The following SESN2 variants were observed in gnomAD, a reference collection of about 807,000 sequenced individuals.
SESN2 encodes sestrin 2.
A neutral mutation model predicts 56.0 loss-of-function variants in SESN2; 42 were observed. That is an observed-to-expected ratio of 0.75 (90% CI 0.59 to 0.97). The LOEUF (loss-of-function observed/expected upper bound fraction) is 0.97, where lower values mean the gene tolerates loss of function less well. SESN2 is among the 50% of genes least tolerant of loss of function. The pLI is 0.00. For missense variants in SESN2, 507 were observed against 649.4 expected, an observed-to-expected ratio of 0.78 and a Z score of 2.38; for synonymous variants, 264 against 267.1, an observed-to-expected ratio of 0.99 and a Z score of 0.11.
intron 1 of SESN2, among the ~76,000 whole-genome samples, chr1:28,268,854 T>C (rs1647649527): frequency 6.6e-6 from 1 of 152,152 alleles, no homozygotes; most frequent in African/African-American, 2.4e-5. Flanking sequence ...TTGTATAAGT[T>C]CTCTGGGACC....
intron 8 of SESN2, among the ~76,000 whole-genome samples, chr1:28,276,878 CT>C (rs56403975): frequency 0.14 from 16,259 of 117,926 alleles, 1,626 homozygotes; most frequent in African/African-American, 0.31. Context: ...TGCGCCCAGC[CT>C]TTTTTTTTTT....
chr1:28,264,284 ACT>A (rs1482792781), intron 1 of SESN2, among the ~76,000 whole-genome samples: 1 of 151,974 alleles, frequency 6.6e-6, no homozygotes, highest in Non-Finnish European at 1.5e-5. Context: ...ACGCAACTGC[ACT>A]CCAGCCTGGG....
intron 6 of SESN2, 92 bp downstream of exon 6, chr1:28,273,600 C>A: frequency 7.9e-7 from 1 of 1,260,910 alleles, no homozygotes; most frequent in Non-Finnish European, 1.1e-6. Flanking sequence ...CCAGAGGCAG[C>A]CACTTCTCAA....
In SESN2 at chr1:28,269,208, G is replaced by A. The variant is rs1647670054; in HGVS notation, c.116G>A (p.Arg39Gln). Residue 39 changes from arginine to glutamine, a missense_variant, in exon 2 of 10, where the codon CGA becomes CAA. Transcript: ENST00000253063. ...GEEQRESRAR[R>Q]GPRGPSAFIP... ...GAGCAGAGGGAGAGCCGGGCTCGGC[G>A]AGGCCCTCGAGGGCCCAGCGCCTTC... is the stretch of plus-strand genomic sequence containing the variant. 2.5e-6 allele frequency: 4 copies of A among 1,612,982 alleles called. No individual in the cohort carries two copies. Among genetic ancestry groups the A allele is most frequent in the Non-Finnish European group, 3.4e-6 (4 of 1,179,512 alleles).
At chr1:28,275,365 A>G (rs1647997860) in intron 8 of SESN2, among the ~76,000 whole-genome samples, 1 of 152,154 alleles carries the variant, frequency 6.6e-6, no homozygotes. Context: ...CATTCTGAGT[A>G]GTAATTCTCC....
chr1:28,265,169 C>T (rs1351469981), intron 1 of SESN2, among the ~76,000 whole-genome samples: 1 of 152,116 alleles, frequency 6.6e-6, no homozygotes, highest in East Asian at 1.9e-4. Flanking sequence ...TTGTTATGCA[C>T]CATTGTTATT....
chr1:28,274,964 C>T lies in SESN2; in HGVS notation c.1160C>T (p.Ser387Phe). 1 of 1,614,188 alleles carries T rather than the reference C, an allele frequency of 6.2e-7. No individual in the cohort carries two copies. Among genetic ancestry groups the T allele is most frequent in the Non-Finnish European group, 8.5e-7 (1 of 1,179,986 alleles). The change falls in exon 8 of 10, where the codon TCC (serine) becomes TTC (phenylalanine). Residue 387 changes from serine (S) to phenylalanine (F), a missense_variant. Ser to Phe is a radical substitution (Grantham distance 155). Coordinates refer to ENST00000253063, the MANE Select transcript of SESN2 (RefSeq NM_031459.5). Reference sequence around the variant, plus strand: ...GCCATGCACAGTGGTGTGGACACCTCCGTGCTCCGCAGGGCCATCTGGAAC... The same window carrying T: ...GCCATGCACAGTGGTGTGGACACCTTCGTGCTCCGCAGGGCCATCTGGAAC... ...TIAMHSGVDT[S>F]VLRRAIWNYI... is the part of the protein sequence containing the mutation.
chr1:28,275,229 T>C (rs921425613), intron 8 of SESN2, among the ~76,000 whole-genome samples: 11 of 152,124 alleles, frequency 7.2e-5, no homozygotes, highest in Admixed American at 2.0e-4. Flanking sequence ...ATAATTATTG[T>C]TTGATATTTA....
Position 28,277,421 on chromosome 1 carries a change from GGA to G in SESN2, c.1212-1675_1212-1674del, listed in dbSNP as rs532008237. On this transcript the variant is annotated intron_variant, in intron 8 of 9. Transcript: ENST00000253063. ...AGTAGAGATGGTGTTTCACCATGTTGGACAGGCTGGTCTGGAACTCCTCACCT... is the reference window on the plus strand; with the variant it reads ...AGTAGAGATGGTGTTTCACCATGTTGCAGGCTGGTCTGGAACTCCTCACCT... 2.9e-3 allele frequency among the ~76,000 whole-genome samples: 434 copies of G among 152,208 alleles called. 2 individuals are homozygous for G. The highest frequency in any genetic ancestry group is 0.027 in the Middle Eastern group (8 of 294).
At chr1:28,280,541 T>C (rs1342347975) in intron 9 of SESN2, among the ~76,000 whole-genome samples, 175 bp from the exon 10 acceptor site, 1 of 152,226 alleles carries the variant, frequency 6.6e-6, no homozygotes, top group Non-Finnish European at 1.5e-5. Context: ...TTAGTCATGA[T>C]AGGAATGAAT....
intron 5 of SESN2, 136 bp downstream of exon 5, chr1:28,272,929 T>C (rs1223040596): frequency 2.0e-5 from 12 of 610,918 alleles, no homozygotes; most frequent in Non-Finnish European, 3.2e-5. Flanking sequence ...TATTTGACTT[T>C]GAAGCTTAGT....
Position 28,272,767 on chromosome 1 carries a change from A to G in SESN2, c.724A>G (p.Ser242Gly). The G allele has an allele frequency of 6.2e-7, 1 of 1,603,738 alleles. No individual in the cohort carries two copies. Among genetic ancestry groups the G allele is most frequent in the Non-Finnish European group, 8.5e-7 (1 of 1,172,668 alleles). ...TPPSEQSSPP[S>G]RDPLNNSGGF... The stretch of plus-strand genomic sequence containing the variant: ...CCCTAGTGAACAGAGCAGCCCCCCA[A>G]GCAGGGACCCGTTGAACAACTCTGG... Residue 242 changes from serine to glycine, a missense_variant, in exon 5 of 10, where the codon AGC becomes GGC. Transcript: ENST00000253063.
At chr1:28,278,364 C>T (rs150352423) in intron 8 of SESN2, among the ~76,000 whole-genome samples, 5,195 of 152,138 alleles carry the variant, frequency 0.034, 120 homozygotes, top group Middle Eastern at 0.054. Flanking sequence ...GTCAGGAGTT[C>T]GAGACCAGCC....
chr1:28,269,344 C>A, intron 2 of SESN2, 96 bp downstream of exon 2: 1 of 764,416 alleles, frequency 1.3e-6, no homozygotes, highest in Non-Finnish European at 2.1e-6. Context: ...TAAATTGCAG[C>A]TTTTAAGCTA....
At position 28,260,243 on chromosome 1, in the gene SESN2, A is replaced by G. The variant is rs572104093; in HGVS notation, c.90+306A>G. The stretch of plus-strand genomic sequence containing the variant: ...CCCTCGGACTCCTGGCCAATGAGGG[A>G]GAAGCCTTCTGGAGGCTCTCCGAGC... On this transcript the variant is annotated intron_variant, in intron 1 of 9. Coordinates refer to ENST00000253063, the MANE Select transcript of SESN2 (RefSeq NM_031459.5). 1.9e-3 allele frequency among the ~76,000 whole-genome samples: 285 copies of G among 150,720 alleles called. 2 individuals carry two copies. The highest frequency in any genetic ancestry group is 0.016 in the East Asian group (80 of 5,046).
At chr1:28,278,607 T>C (rs1648129221) in intron 8 of SESN2, among the ~76,000 whole-genome samples, 1 of 152,134 alleles carries the variant, frequency 6.6e-6, no homozygotes, top group Non-Finnish European at 1.5e-5. Context: ...TGTAAAAAAA[T>C]GTGAGCTAAG....
At chr1:28,279,470 G>A (rs1371675894) in intron 9 of SESN2, among the ~76,000 whole-genome samples, 4 of 152,178 alleles carry the variant, frequency 2.6e-5, no homozygotes, top group African/African-American at 9.6e-5. Context: ...TGGTAGCTTG[G>A]TGGACCTGGG....
intron 1 of SESN2, among the ~76,000 whole-genome samples, chr1:28,260,956 A>G (rs1487878017): frequency 5.9e-5 from 9 of 152,126 alleles, no homozygotes; most frequent in Admixed American, 5.9e-4. Flanking sequence ...CAGGAAGAAC[A>G]TTGAGGCCCA....
At chr1:28,274,359 C>T (rs895871601) in intron 7 of SESN2, among the ~76,000 whole-genome samples, 1 of 152,166 alleles carries the variant, frequency 6.6e-6, no homozygotes, top group Non-Finnish European at 1.5e-5. Flanking sequence ...TGGCGAAACC[C>T]TGTCTCTACA....
Sources: allele counts gnomAD v4.1 joint callset (sites outside exome capture counted in the v4.1 genomes callset), GRCh38; gene constraint gnomAD v4.1.1; transcripts MANE v1.5; gene names NCBI Gene and HGNC (gene_info 2026-07-23, HGNC 2026-07-21).